Variants in SPTA1 observed in about 807,000 individuals in gnomAD.
The protein encoded by SPTA1 is spectrin alpha chain, erythrocytic 1.
SPTA1 carries 177 observed loss-of-function variants against 324.7 expected under a neutral mutation model. That is an observed-to-expected ratio of 0.55 (90% confidence interval 0.48 to 0.62). SPTA1 has a LOEUF of 0.62. Ranked by LOEUF, SPTA1 falls within the 20% of genes least tolerant of loss-of-function variation. The pLI is 0.00. For synonymous variants in SPTA1, 1,195 were observed against 1,041.3 expected, an observed-to-expected ratio of 1.15 and a Z score of -2.84; for missense variants, 3,162 against 2,883.6, an observed-to-expected ratio of 1.10 and a Z score of -2.21.
chr1:158,620,020 C>T (rs1649805777), intron 44 of SPTA1, 150 bp downstream of exon 44: 1 of 1,077,448 alleles, frequency 9.3e-7, no homozygotes, highest in Non-Finnish European at 1.4e-6. Context: ...AACATATTTT[C>T]CAGTTTTTCT....
chr1:158,615,129 G>A (rs1649475090), intron 48 of SPTA1, 87 bp downstream of exon 48: 2 of 1,477,150 alleles, frequency 1.4e-6, no homozygotes, highest in Admixed American at 1.7e-5. Context: ...TCTTTTATCT[G>A]GTGCACCAAA....
chr1:158,611,583 C>A, intron 51 of SPTA1, 194 bp from the exon 52 acceptor site: 1 of 549,408 alleles, frequency 1.8e-6, no homozygotes, highest in Non-Finnish European at 3.1e-6. Flanking sequence ...AATCTCAGCC[C>A]TTTCTTGAAA....
intron 49 of SPTA1, 33 bp from the exon 50 acceptor site, chr1:158,613,900 A>G: frequency 6.2e-7 from 1 of 1,605,266 alleles, no homozygotes; most frequent in Non-Finnish European, 8.5e-7. Context: ...AAAATTTATC[A>G]AGCTCAATAG....
At chr1:158,615,082 G>A in intron 48 of SPTA1, 134 bp downstream of exon 48, 1 of 907,738 alleles carries the variant, frequency 1.1e-6, no homozygotes. Context: ...ATTCCGTGGG[G>A]CAGTAAAGAC....
intron 42 of SPTA1, among the ~76,000 whole-genome samples, 185 bp downstream of exon 42, chr1:158,625,961 A>G (rs1288368447): frequency 6.6e-6 from 1 of 152,032 alleles, no homozygotes; most frequent in Non-Finnish European, 1.5e-5. Flanking sequence ...ATTGATGAAA[A>G]CCCAGTAGCA....
chr1:158,666,590 G>A, intron 15 of SPTA1, 93 bp from the exon 16 acceptor site: 1 of 1,120,740 alleles, frequency 8.9e-7, no homozygotes, highest in Non-Finnish European at 1.3e-6. Context: ...GATCAATATA[G>A]TATTTTAATA....
chr1:158,650,049 T>C (rs1408184680), intron 24 of SPTA1, 102 bp from the exon 25 acceptor site: 5 of 847,498 alleles, frequency 5.9e-6, no homozygotes, highest in South Asian at 1.5e-5. Context: ...TGTTTTTACG[T>C]TATTTTCTTC....
chr1:158,685,385 A>G (rs1163841043), intron 1 of SPTA1, 38 bp from the exon 2 acceptor site: 3 of 1,608,002 alleles, frequency 1.9e-6, no homozygotes, highest in Non-Finnish European at 2.5e-6. Flanking sequence ...GCTAGTTCTC[A>G]AATATTTAAC....
intron 39 of SPTA1, among the ~76,000 whole-genome samples, chr1:158,628,207 T>C (rs1000432961): frequency 6.6e-6 from 1 of 152,174 alleles, no homozygotes; most frequent in Non-Finnish European, 1.5e-5. Flanking sequence ...ATGATGTCTG[T>C]GTAGCTGGCA....
intron 6 of SPTA1, 31 bp from the exon 7 acceptor site, chr1:158,677,865 G>C (rs750260421): frequency 1.9e-6 from 3 of 1,613,164 alleles, no homozygotes; most frequent in East Asian, 2.2e-5. Flanking sequence ...TCCAACCAAA[G>C]AAGATAGCAA....
In SPTA1 at chr1:158,685,103, G is replaced by A. The variant is rs1398635282; in HGVS notation, c.264+5C>T. On this transcript the variant is annotated splice_donor_5th_base_variant and intron_variant, in intron 2 of 51. Transcript: ENST00000643759. Reference sequence around the variant, plus strand: ...GCTCTGAGGCAATCAAGAGAACTGAGTGACCTGTATATTAGTTGGGTCTTC... The same window carrying A: ...GCTCTGAGGCAATCAAGAGAACTGAATGACCTGTATATTAGTTGGGTCTTC... 19 of 1,613,464 alleles carry A rather than the reference G, an allele frequency of 1.2e-5. No individual in the cohort carries two copies. The Admixed American group carries it at 3.2e-4, about 27-fold the overall frequency.
intron 6 of SPTA1, 21 bp downstream of exon 6, chr1:158,678,380 A>C (rs1249163153): frequency 1.9e-6 from 3 of 1,613,288 alleles, no homozygotes; most frequent in Non-Finnish European, 2.5e-6. Flanking sequence ...GTTTTCTATA[A>C]AGCAGTGGCC....
intron 2 of SPTA1, among the ~76,000 whole-genome samples, chr1:158,684,836 C>G (rs971839910): frequency 6.6e-6 from 1 of 152,122 alleles, no homozygotes; most frequent in African/African-American, 2.4e-5. Flanking sequence ...TTGTAAAAAA[C>G]AGTTCTGTGC....
In SPTA1 at chr1:158,644,709, C is replaced by T. The variant is rs528080727; in HGVS notation, c.4195-313G>A. Among the ~76,000 whole-genome samples, 6 of 152,278 alleles carry T rather than the reference C, an allele frequency of 3.9e-5. No individual in the cohort carries two copies. In the South Asian group the frequency reaches 1.2e-3, roughly 32 times the overall value. On this transcript the variant is annotated intron_variant, in intron 29 of 51. Coordinates refer to ENST00000643759, the MANE Select transcript of SPTA1 (RefSeq NM_003126.4). ...TCCTTCAGGGTAGCCTGTGACACAACCACTTACTTCCCCCAAAAGCTTTAA... is the reference window on the plus strand; with the variant it reads ...TCCTTCAGGGTAGCCTGTGACACAATCACTTACTTCCCCCAAAAGCTTTAA...
chr1:158,626,031 A>G, intron 42 of SPTA1, 115 bp downstream of exon 42: 1 of 834,124 alleles, frequency 1.2e-6, no homozygotes, highest in Admixed American at 2.1e-5. Flanking sequence ...TAAGAAGGGA[A>G]AATCTTACAG....
intron 20 of SPTA1, among the ~76,000 whole-genome samples, chr1:158,656,090 G>A (rs1424683797): frequency 6.6e-6 from 1 of 152,108 alleles, no homozygotes; most frequent in Admixed American, 6.5e-5. Flanking sequence ...TCTTTGTCCT[G>A]TTCATACATC....
chr1:158,617,723 C>T (rs1649646402), intron 46 of SPTA1, 135 bp from the exon 47 acceptor site: 1 of 893,602 alleles, frequency 1.1e-6, no homozygotes, highest in African/African-American at 1.7e-5. Flanking sequence ...TTTCACAGAG[C>T]CAAATTTTCA....
intron 19 of SPTA1, 78 bp downstream of exon 19, chr1:158,657,399 C>A (rs1652903690): frequency 6.9e-7 from 1 of 1,455,092 alleles, no homozygotes; most frequent in Non-Finnish European, 9.6e-7. Context: ...AGCTGTCCCA[C>A]AACCTAAGCA....
chr1:158,640,121 A>G, intron 33 of SPTA1, 114 bp from the exon 34 acceptor site: 2 of 1,275,102 alleles, frequency 1.6e-6, no homozygotes, highest in East Asian at 4.7e-5. Flanking sequence ...AAATTTGCTG[A>G]TACTTGAATA....
Sources: allele counts gnomAD v4.1 joint callset (sites outside exome capture counted in the v4.1 genomes callset), GRCh38; gene constraint gnomAD v4.1.1; transcripts MANE v1.5; gene names NCBI Gene and HGNC (gene_info 2026-07-23, HGNC 2026-07-21).